SMPX: variants seen among roughly 807,000 people sequenced by gnomAD.
SMPX encodes the protein small muscular protein.
Under a neutral mutation model 6.3 loss-of-function variants are expected in SMPX, and 2 were observed. That is an observed-to-expected ratio of 0.32 (90% CI 0.13 to 0.99). The LOEUF is 0.99. Ranked by LOEUF, SMPX falls within the 50% of genes least tolerant of loss-of-function variation. The probability of loss-of-function intolerance (pLI) is 0.49; values close to 1 mark genes in which losing one functional copy is unlikely to be tolerated. For missense variants in SMPX, 60 were observed against 66.8 expected (o/e 0.90, Z 0.36); for synonymous variants, 32 against 24.7 (o/e 1.30, Z -0.88).
intron 4 of SMPX, among the ~76,000 whole-genome samples, chrX:21,723,679 A>G (rs2092793998): frequency 8.9e-6 from 1 of 112,058 alleles, no homozygotes; most frequent in Admixed American, 9.4e-5. Context: ...CCCAGTTCGC[A>G]CCATAGCATA....
At chrX:21,719,588 T>C (rs144740204) in intron 4 of SMPX, among the ~76,000 whole-genome samples, 147 of 109,946 alleles carry the variant, frequency 1.3e-3, no homozygotes, top group Admixed American at 2.5e-3. Flanking sequence ...AGGAAAACCA[T>C]TGAATGTGGG....
At position 21,731,678 on chromosome X, in the gene SMPX, T is replaced by A. The variant is rs886194813; in HGVS notation, c.*14+5871A>T. Reference sequence around the variant, plus strand: ...AGTGTGTATGTGTATGTGTACACATTAATGTGTACATGTACACATAAATGT... The same window carrying A: ...AGTGTGTATGTGTATGTGTACACATAAATGTGTACATGTACACATAAATGT... On this transcript the variant is annotated intron_variant, in intron 4 of 4. Transcript: ENST00000379494. Among the ~76,000 whole-genome samples the A allele has an allele frequency of 1.6e-3, 137 of 84,335 alleles. 1 individual carries two copies. Among genetic ancestry groups the A allele is most frequent in the Non-Finnish European group, 2.4e-3 (106 of 44,300 alleles). The allele number at this position is 84,335 out of a possible 115,157, so 73.2% of individuals were successfully genotyped here. A position where few individuals can be genotyped will look rare whatever the true frequency, so the allele number is the denominator to read the frequency against.
intron 4 of SMPX, among the ~76,000 whole-genome samples, chrX:21,710,076 C>T (rs112150235): frequency 2.1e-4 from 24 of 111,713 alleles, no homozygotes; most frequent in African/African-American, 7.5e-4. Flanking sequence ...ATAGGATGAG[C>T]CATTTGCATT....
chrX:21,752,430 A>G (rs1052995681), intron 2 of SMPX, among the ~76,000 whole-genome samples: 4 of 112,134 alleles, frequency 3.6e-5, no homozygotes, highest in African/African-American at 6.5e-5. Flanking sequence ...CAACTTTAAC[A>G]TAAAGTATTC....
At chrX:21,725,375 C>T (rs1353493176) in intron 4 of SMPX, among the ~76,000 whole-genome samples, 1 of 112,273 alleles carries the variant, frequency 8.9e-6, no homozygotes, top group African/African-American at 3.2e-5. Context: ...CCATAAAGCC[C>T]ATTCAAAATG....
At chrX:21,732,957 C>A (rs998248195) in intron 4 of SMPX, among the ~76,000 whole-genome samples, 1 of 111,413 alleles carries the variant, frequency 9.0e-6, no homozygotes, top group Non-Finnish European at 1.9e-5. Context: ...AGGAAGAGAA[C>A]CCTCACCAAA....
intron 4 of SMPX, among the ~76,000 whole-genome samples, chrX:21,720,396 G>A (rs1214319712): frequency 4.5e-5 from 5 of 112,252 alleles, no homozygotes; most frequent in Non-Finnish European, 9.4e-5. Flanking sequence ...TTCAATCTTA[G>A]TCAACAACTC....
At chrX:21,734,223 G>A (rs2092808087) in intron 4 of SMPX, among the ~76,000 whole-genome samples, 1 of 111,793 alleles carries the variant, frequency 8.9e-6, no homozygotes, top group Admixed American at 9.5e-5. Flanking sequence ...CTAGTTTCAA[G>A]GGTTCTTTAC....
At chrX:21,747,023 C>T (rs1246843603) in intron 2 of SMPX, among the ~76,000 whole-genome samples, 2 of 111,494 alleles carry the variant, frequency 1.8e-5, no homozygotes, top group South Asian at 7.5e-4. Context: ...ACTTTCTCAG[C>T]GACTAATTTT....
chrX:21,733,237 T>G (rs1312599758), intron 4 of SMPX, among the ~76,000 whole-genome samples: 3 of 111,932 alleles, frequency 2.7e-5, no homozygotes, highest in African/African-American at 9.7e-5. Flanking sequence ...GAACTGCAGA[T>G]TATTCCAACT....
intron 4 of SMPX, among the ~76,000 whole-genome samples, chrX:21,715,303 T>TGC (rs1555971890): frequency 0.03 from 2,550 of 85,880 alleles, 48 homozygotes; most frequent in Middle Eastern, 0.041. Context: ...TGTGTGTGTG[T>TGC]GCGCGCACGC....
intron 1 of SMPX, among the ~76,000 whole-genome samples, chrX:21,756,712 C>T (rs1177450846): frequency 1.8e-5 from 2 of 112,617 alleles, no homozygotes; most frequent in African/African-American, 6.4e-5. Flanking sequence ...AATGCTTCAT[C>T]CCGGGACCAA....
In SMPX at chrX:21,754,268, A is replaced by G. The variant is rs1320223222; in HGVS notation, c.23T>C (p.Val8Ala). 3.3e-6 allele frequency: 4 copies of G among 1,210,636 alleles called. No homozygotes were observed. The highest frequency in any genetic ancestry group is 2.2e-5 in the Admixed American group (1 of 46,059). ...TACCTGGATGGCTCTAACATTGGAA[A>G]CTGGCTGTTTCGACATATTCATGCA... MNMSKQP[V>A]SNVRAIQANI... is the part of the protein sequence containing the mutation. Residue 8 changes from valine to alanine, a missense_variant, in exon 2 of 5, where the codon GTT (valine) becomes GCT (alanine). Transcript: ENST00000379494.
chrX:21,710,610 C>T (rs1041826004), intron 4 of SMPX, among the ~76,000 whole-genome samples: 1 of 111,933 alleles, frequency 8.9e-6, no homozygotes, highest in Admixed American at 9.4e-5. Context: ...ACCACCACGA[C>T]CACTGTGAGA....
intron 4 of SMPX, among the ~76,000 whole-genome samples, chrX:21,730,545 A>G (rs965620767): frequency 2.7e-5 from 3 of 112,157 alleles, no homozygotes; most frequent in African/African-American, 6.5e-5. Context: ...ACAACTACTG[A>G]TTGAGAGAGG....
intron 3 of SMPX, among the ~76,000 whole-genome samples, chrX:21,739,322 C>T (rs776366965): frequency 5.3e-5 from 6 of 112,254 alleles, no homozygotes; most frequent in Non-Finnish European, 1.1e-4. Flanking sequence ...GATGAGTAGA[C>T]ATAAAATATT....
intron 4 of SMPX, among the ~76,000 whole-genome samples, chrX:21,706,631 TG>T (rs1255576478): frequency 9.0e-6 from 1 of 111,564 alleles, no homozygotes; most frequent in Non-Finnish European, 1.9e-5. Flanking sequence ...CATTATTAAC[TG>T]TAGTCATGAT....
chrX:21,753,217 G>A (rs185014193), intron 2 of SMPX, among the ~76,000 whole-genome samples: 11 of 111,981 alleles, frequency 9.8e-5, no homozygotes, highest in African/African-American at 3.6e-4. Flanking sequence ...GTTTCCAGAG[G>A]TTGCTCTACA....
At chrX:21,736,579 C>T (rs998944605) in intron 4 of SMPX, among the ~76,000 whole-genome samples, 2 of 111,674 alleles carry the variant, frequency 1.8e-5, no homozygotes, top group South Asian at 3.8e-4. Flanking sequence ...TGGTAAGTGA[C>T]GAATAAATGT....
Sources: allele counts gnomAD v4.1 joint callset (sites outside exome capture counted in the v4.1 genomes callset), GRCh38; gene constraint gnomAD v4.1.1; transcripts MANE v1.5; gene names NCBI Gene and HGNC (gene_info 2026-07-23, HGNC 2026-07-21).